The following ZNF385D variants were observed in gnomAD, a reference collection of about 807,000 sequenced individuals.
ZNF385D encodes zinc finger protein 385D, also known as zinc finger protein 659.
ZNF385D carries 15 observed loss-of-function variants against 35.8 expected under a neutral mutation model. The observed-to-expected ratio is 0.42, with a 90% CI of 0.28 to 0.64. ZNF385D has a LOEUF of 0.64. Ranked by LOEUF, ZNF385D falls within the 30% of genes least tolerant of loss-of-function variation. The pLI is 0.23. For missense variants in ZNF385D, 474 were observed against 494.6 expected, an observed-to-expected ratio of 0.96 and a Z score of 0.39; for synonymous variants, 212 against 186.8, an observed-to-expected ratio of 1.13 and a Z score of -1.10.
chr3:21,663,675 A>G (rs904122388), intron 2 of ZNF385D, among the ~76,000 whole-genome samples: 3 of 151,690 alleles, frequency 2.0e-5, no homozygotes, highest in Non-Finnish European at 4.4e-5. Flanking sequence ...ATGTTGCTTT[A>G]TTTATGAGAT....
intron 3 of ZNF385D, among the ~76,000 whole-genome samples, chr3:22,157,436 T>C (rs1351111029): frequency 6.6e-6 from 1 of 152,064 alleles, no homozygotes; most frequent in Non-Finnish European, 1.5e-5. Flanking sequence ...TGTTTCCCCT[T>C]TTCTTCTTTC....
rs1169405548 is a variant in ZNF385D, at chr3:21,413,169, C to G, written c.*8045G>C. ...AATATAAAACACAATAAAATCCTATCTCACGTTTCCAAGCCCACCTGGGGA... is the reference window on the plus strand; with the variant it reads ...AATATAAAACACAATAAAATCCTATGTCACGTTTCCAAGCCCACCTGGGGA... On this transcript the variant is annotated 3_prime_UTR_variant, in exon 8 of 8. Coordinates refer to ENST00000281523, the MANE Select transcript of ZNF385D (RefSeq NM_024697.3). 2.0e-5 allele frequency: 3 copies of G among 151,980 alleles called. No individual in the cohort carries two copies. Among genetic ancestry groups the G allele is most frequent in the African/African-American group, 7.3e-5 (3 of 41,374 alleles). The allele number at this position is 151,980 out of a possible 1,614,324, so 9.4% of individuals were successfully genotyped here. A position where few individuals can be genotyped will look rare whatever the true frequency, so the allele number is the denominator to read the frequency against.
intron 2 of ZNF385D, among the ~76,000 whole-genome samples, chr3:21,568,228 G>A (rs965195951): frequency 1.3e-5 from 2 of 151,998 alleles, no homozygotes; most frequent in East Asian, 1.9e-4. Context: ...CATTTACAAT[G>A]AGGAATTATG....
intron 4 of ZNF385D, among the ~76,000 whole-genome samples, chr3:21,487,390 G>A (rs1247083581): frequency 2.0e-5 from 3 of 151,964 alleles, no homozygotes; most frequent in Non-Finnish European, 4.4e-5. Context: ...TGTTAGAGGG[G>A]CTCAAACATG....
At chr3:21,771,693 G>A (rs1431346735) in intron 3 of ZNF385D, among the ~76,000 whole-genome samples, 5 of 151,954 alleles carry the variant, frequency 3.3e-5, no homozygotes, top group East Asian at 2.0e-4. Flanking sequence ...GCATCTTCCC[G>A]AGACCAAGAG....
intron 3 of ZNF385D, among the ~76,000 whole-genome samples, chr3:21,962,019 T>A (rs1195081022): frequency 6.6e-6 from 1 of 152,110 alleles, no homozygotes; most frequent in African/African-American, 2.4e-5. Flanking sequence ...GCCTTAATCC[T>A]AAGAGCAACA....
intron 3 of ZNF385D, among the ~76,000 whole-genome samples, chr3:21,882,145 G>C (rs754594386): frequency 1.3e-5 from 2 of 152,008 alleles, no homozygotes; most frequent in African/African-American, 4.8e-5. Context: ...AGGACTGACT[G>C]CAATTTTGAA....
intron 2 of ZNF385D, among the ~76,000 whole-genome samples, chr3:22,188,304 T>A (rs1695776969): frequency 1.3e-5 from 2 of 152,124 alleles, no homozygotes; most frequent in African/African-American, 4.8e-5. Context: ...GAAAGACCAA[T>A]GGCAATTAAA....
At chr3:21,558,693 A>T (rs2062830193) in intron 3 of ZNF385D, among the ~76,000 whole-genome samples, 1 of 151,856 alleles carries the variant, frequency 6.6e-6, no homozygotes, top group African/African-American at 2.4e-5. Context: ...TGAGTTCTGA[A>T]TATCTTTGTT....
At chr3:21,928,602 A>G (rs1034868463) in intron 3 of ZNF385D, among the ~76,000 whole-genome samples, 2 of 152,218 alleles carry the variant, frequency 1.3e-5, no homozygotes, top group Non-Finnish European at 2.9e-5. Context: ...GGCTTTAGCT[A>G]TGTTAAAAAG....
chr3:21,618,221 A>G (rs1214678995), intron 2 of ZNF385D, among the ~76,000 whole-genome samples: 2 of 152,018 alleles, frequency 1.3e-5, no homozygotes, highest in African/African-American at 2.4e-5. Context: ...CCTAAATCCC[A>G]TTGTAAATAT....
intron 3 of ZNF385D, among the ~76,000 whole-genome samples, chr3:22,130,824 G>C (rs116394275): frequency 0.012 from 1,805 of 152,196 alleles, 33 homozygotes; most frequent in African/African-American, 0.04. Flanking sequence ...TTCTTCTGTG[G>C]ATAGTTGTTC....
chr3:21,779,655 G>A (rs78265737), intron 3 of ZNF385D, among the ~76,000 whole-genome samples: 9 of 151,974 alleles, frequency 5.9e-5, no homozygotes, highest in South Asian at 4.2e-4. Context: ...TTTACTGAGC[G>A]CCTTCTCAAT....
At chr3:21,979,303 C>G (rs1191798483) in intron 3 of ZNF385D, among the ~76,000 whole-genome samples, 4 of 152,108 alleles carry the variant, frequency 2.6e-5, no homozygotes, top group Admixed American at 2.0e-4. Context: ...GTATATTTAA[C>G]CCCACATGTC....
chr3:22,174,531 G>A (rs1694687564), intron 2 of ZNF385D, among the ~76,000 whole-genome samples: 1 of 152,082 alleles, frequency 6.6e-6, no homozygotes, highest in South Asian at 2.1e-4. Context: ...CTCCCACTGT[G>A]TAATTTTTTT....
intron 6 of ZNF385D, among the ~76,000 whole-genome samples, chr3:21,424,317 A>ATATATATTTATATATATATATATATT: frequency 1.6e-5 from 1 of 63,802 alleles, no homozygotes; most frequent in Admixed American, 3.1e-4. Context: ...ATATATATAT[A>ATATATATTTATATATATATATATATT]TTTTTTTTTT....
chr3:21,476,383 T>C (rs1704250124), intron 4 of ZNF385D, among the ~76,000 whole-genome samples: 1 of 152,104 alleles, frequency 6.6e-6, no homozygotes, highest in Non-Finnish European at 1.5e-5. Flanking sequence ...AAAGGGATAA[T>C]TGCCAACTCT....
At chr3:21,863,899 C>A (rs1170401543) in intron 3 of ZNF385D, among the ~76,000 whole-genome samples, 2 of 152,050 alleles carry the variant, frequency 1.3e-5, no homozygotes, top group Non-Finnish European at 2.9e-5. Context: ...CATTAATGCG[C>A]ACATGAATCA....
intron 3 of ZNF385D, among the ~76,000 whole-genome samples, chr3:22,141,577 C>G (rs889484460): frequency 1.3e-5 from 2 of 152,108 alleles, no homozygotes; most frequent in South Asian, 4.2e-4. Flanking sequence ...CCTTAAGGGT[C>G]TCTGTGGTGG....
Sources: gnomAD v4.1 joint callset for allele counts (sites outside exome capture counted in the v4.1 genomes callset) on GRCh38, gnomAD v4.1.1 for gene constraint, MANE v1.5 for transcripts, NCBI Gene and HGNC (gene_info 2026-07-23, HGNC 2026-07-21) for gene names.